NAV2: variants seen among roughly 807,000 people sequenced by gnomAD.
NAV2 encodes neuron navigator 2, also known as helicase, APC down-regulated 1.
Under a neutral mutation model 223.2 loss-of-function variants are expected in NAV2, and 54 were observed. That is an observed-to-expected ratio of 0.24 (90% CI 0.19 to 0.30). The LOEUF (loss-of-function observed/expected upper bound fraction) is 0.30. Among genes scored for constraint, NAV2 ranks in the 10% least tolerant of loss-of-function variants. The probability of loss-of-function intolerance (pLI) is 1.00; values close to 1 mark genes in which losing one functional copy is unlikely to be tolerated. For synonymous variants in NAV2, 1,279 were observed against 1,239.3 expected (o/e 1.03, Z -0.67); for missense variants, 2,806 against 3,147.5 (o/e 0.89, Z 2.60).
rs1266250829 is a variant in NAV2 at position 19,957,098 on chromosome 11, C to A, written c.2645+8018C>A. ...TCATTATGTCACAGCAAGTCACTTG[C>A]CCCTAATGCACTGCCATCCTCTTAA... On this transcript the variant is annotated intron_variant, in intron 10 of 37. Coordinates refer to ENST00000349880, the MANE Select transcript of NAV2 (RefSeq NM_145117.5). Among the ~76,000 whole-genome samples the A allele has an allele frequency of 6.6e-5, 10 of 152,156 alleles. 1 individual carries two copies. Among genetic ancestry groups the A allele is most frequent in the Admixed American group, 6.5e-4 (10 of 15,284 alleles).
At chr11:19,918,487 C>T (rs914468407) in intron 6 of NAV2, among the ~76,000 whole-genome samples, 5 of 152,148 alleles carry the variant, frequency 3.3e-5, no homozygotes, top group African/African-American at 1.2e-4. Context: ...AATAAATTCA[C>T]GACGTGCAAC....
intron 33 of NAV2, 84 bp from the exon 34 acceptor site, chr11:20,103,569 C>A: frequency 1.3e-6 from 2 of 1,525,156 alleles, no homozygotes; most frequent in Non-Finnish European, 1.8e-6. Context: ...GGCCTGGAAG[C>A]ACAGGGCCAT....
At chr11:19,395,957 T>C (rs982360972) in intron 1 of NAV2, among the ~76,000 whole-genome samples, 10 of 152,216 alleles carry the variant, frequency 6.6e-5, no homozygotes, top group African/African-American at 2.4e-4. Context: ...TTATGGAGTA[T>C]AATCTAGGAG....
In NAV2 at chr11:20,106,181, GTGTATA is replaced by G. The variant is rs1205722784; in HGVS notation, c.6841+456_6841+461del. ...TATATATATATATATATATATGTGT[GTGTATA>G]TATATATATATATATATATATATAT... On this transcript the variant is annotated intron_variant, in intron 35 of 37. Transcript: ENST00000349880. 1.5e-3 allele frequency among the ~76,000 whole-genome samples: 23 copies of G among 14,908 alleles called. 2 individuals carry two copies. Among genetic ancestry groups the G allele is most frequent in the African/African-American group, 3.0e-3 (20 of 6,726 alleles). The allele number at this position is 14,908 out of a possible 152,430, so 9.8% of individuals were successfully genotyped here. A position where few individuals can be genotyped will look rare whatever the true frequency, so the allele number is the denominator to read the frequency against.
intron 1 of NAV2, among the ~76,000 whole-genome samples, chr11:19,654,868 A>T (rs1354192979): frequency 6.6e-6 from 1 of 152,270 alleles, no homozygotes; most frequent in Non-Finnish European, 1.5e-5. Context: ...AAGCAATGAC[A>T]ACAGAAGCCA....
At chr11:19,931,953 CCT>C (rs2045392542) in intron 6 of NAV2, among the ~76,000 whole-genome samples, 1 of 152,070 alleles carries the variant, frequency 6.6e-6, no homozygotes, top group Non-Finnish European at 1.5e-5. Flanking sequence ...CAACAGCTGT[CCT>C]TCCTTGAGAG....
At chr11:19,809,203 G>C (rs1202482582) in intron 1 of NAV2, among the ~76,000 whole-genome samples, 1 of 152,174 alleles carries the variant, frequency 6.6e-6, no homozygotes, top group Non-Finnish European at 1.5e-5. Context: ...AATTTCTTGT[G>C]CATAATAACT....
At chr11:19,625,116 T>C (rs1330374019) in intron 1 of NAV2, among the ~76,000 whole-genome samples, 1 of 152,196 alleles carries the variant, frequency 6.6e-6, no homozygotes, top group African/African-American at 2.4e-5. Context: ...TAATACATTA[T>C]TGTTAACTAT....
intron 12 of NAV2, among the ~76,000 whole-genome samples, chr11:20,037,048 C>A (rs1166623122): frequency 6.6e-6 from 1 of 152,182 alleles, no homozygotes; most frequent in African/African-American, 2.4e-5. Flanking sequence ...CACAGCTTGT[C>A]CCCAGTTTGG....
At chr11:19,684,782 C>G (rs118013136) in intron 1 of NAV2, among the ~76,000 whole-genome samples, 2 of 152,192 alleles carry the variant, frequency 1.3e-5, no homozygotes, top group African/African-American at 4.8e-5. Context: ...TATGGGAATA[C>G]CCATTCTCTT....
chr11:19,585,612 G>T (rs981702747), intron 1 of NAV2, among the ~76,000 whole-genome samples: 4 of 152,160 alleles, frequency 2.6e-5, no homozygotes, highest in Non-Finnish European at 5.9e-5. Flanking sequence ...TGTCTGTAAA[G>T]GATTTTATTT....
intron 1 of NAV2, among the ~76,000 whole-genome samples, chr11:19,413,065 C>T (rs573538116): frequency 4.6e-5 from 7 of 152,174 alleles, no homozygotes; most frequent in South Asian, 2.1e-4. Flanking sequence ...CAAAACTGGA[C>T]GGAGAATGAG....
intron 26 of NAV2, among the ~76,000 whole-genome samples, chr11:20,087,261 C>G (rs1364480956): frequency 6.6e-6 from 1 of 152,180 alleles, no homozygotes; most frequent in East Asian, 1.9e-4. Context: ...GAACTATCCT[C>G]CAAGCCACTT....
At chr11:19,492,216 G>A (rs2134084068) in intron 1 of NAV2, among the ~76,000 whole-genome samples, 1 of 152,016 alleles carries the variant, frequency 6.6e-6, no homozygotes, top group Admixed American at 6.6e-5. Flanking sequence ...GTGAGCACAT[G>A]CTATTGGAAA....
intron 31 of NAV2, among the ~76,000 whole-genome samples, chr11:20,099,317 G>A (rs1426033708): frequency 6.6e-6 from 1 of 152,190 alleles, no homozygotes; most frequent in East Asian, 1.9e-4. Flanking sequence ...AGCCTTTTAT[G>A]TCCTGAGTTC....
intron 6 of NAV2, among the ~76,000 whole-genome samples, chr11:19,911,030 CA>C (rs1443675653): frequency 2.5e-4 from 35 of 140,790 alleles, no homozygotes; most frequent in Non-Finnish European, 6.0e-5. Flanking sequence ...TTTGCAAGCA[CA>C]TTTTTTTTTT....
intron 3 of NAV2, among the ~76,000 whole-genome samples, chr11:19,857,843 G>A (rs1203867363): frequency 6.6e-6 from 1 of 152,084 alleles, no homozygotes; most frequent in East Asian, 1.9e-4. Flanking sequence ...TAGATCTCTA[G>A]AACTTGCTCA....
intron 1 of NAV2, chr11:19,401,852 C>T (rs911174422): frequency 6.6e-6 from 1 of 152,186 alleles, no homozygotes; most frequent in African/African-American, 2.4e-5. Context: ...ATTGCAGTGC[C>T]ACACTTAAGA....
intron 1 of NAV2, among the ~76,000 whole-genome samples, chr11:19,749,143 C>G (rs1451408087): frequency 6.6e-6 from 1 of 152,196 alleles, no homozygotes; most frequent in Non-Finnish European, 1.5e-5. Flanking sequence ...GTGATCGATT[C>G]ATTTCCCAGT....
Sources: gnomAD v4.1 joint callset for allele counts (sites outside exome capture counted in the v4.1 genomes callset) on GRCh38, gnomAD v4.1.1 for gene constraint, MANE v1.5 for transcripts, NCBI Gene and HGNC (gene_info 2026-07-23, HGNC 2026-07-21) for gene names.